The following STK38L variants were observed in gnomAD, a reference collection of about 807,000 sequenced individuals.
STK38L encodes serine/threonine-protein kinase 38-like.
In STK38L, 28 loss-of-function variants were observed where a neutral mutation model predicts 59.7. The observed-to-expected ratio is 0.47, with a 90% CI of 0.35 to 0.64. The LOEUF is 0.64. Ranked by LOEUF, STK38L falls within the 30% of genes least tolerant of loss-of-function variation. The pLI is 0.01. For missense variants in STK38L, 314 were observed against 555.8 expected (o/e 0.56, Z 4.37); for synonymous variants, 162 against 176.8 (o/e 0.92, Z 0.66).
rs544998392 is a variant in STK38L, at chr12:27,308,993, T to A, written c.310-121T>A. On this transcript the variant is annotated intron_variant, in intron 4 of 13. Transcript: ENST00000389032. This position sits in a 1 kb window ranked among gnomAD's most constrained non-coding sequence, Gnocchi z 4.5. ...ATAGATATAAAAATATATAGATATA[T>A]ATATATAAAATTCCTGAAATACCAA... The A allele has an allele frequency of 1.1e-5, 2 of 188,314 alleles. No homozygotes were observed. Among genetic ancestry groups the A allele is most frequent in the Admixed American group, 1.2e-4 (2 of 16,024 alleles). 11.7% of individuals were successfully genotyped at this position (188,314 alleles called of 1,614,324 possible). A position where few individuals can be genotyped will look rare whatever the true frequency, so the allele number is the denominator to read the frequency against.
At chr12:27,316,037 G>T (rs939284228) in intron 9 of STK38L, among the ~76,000 whole-genome samples, 1 of 152,060 alleles carries the variant, frequency 6.6e-6, no homozygotes, top group Non-Finnish European at 1.5e-5. Flanking sequence ...TAAAATGCCT[G>T]GCACATACGG....
chr12:27,288,298 A>G (rs1943821540), intron 1 of STK38L, among the ~76,000 whole-genome samples: 1 of 152,166 alleles, frequency 6.6e-6, no homozygotes. Context: ...ATTTTAAAGC[A>G]TACATTTATT....
At chr12:27,288,809 G>A (rs527344582) in intron 1 of STK38L, among the ~76,000 whole-genome samples, 10 of 151,404 alleles carry the variant, frequency 6.6e-5, no homozygotes, top group Non-Finnish European at 1.3e-4. Flanking sequence ...TACTCACTCT[G>A]GTCTCCCCTC....
intron 1 of STK38L, among the ~76,000 whole-genome samples, chr12:27,277,045 C>T (rs1454325089): frequency 6.6e-6 from 1 of 152,140 alleles, no homozygotes; most frequent in Non-Finnish European, 1.5e-5. Context: ...GAAGTATTTA[C>T]TTCACTTCTA....
At chr12:27,288,496 TATC>T (rs1943827071) in intron 1 of STK38L, among the ~76,000 whole-genome samples, 1 of 152,082 alleles carries the variant, frequency 6.6e-6, no homozygotes, top group African/African-American at 2.4e-5. Context: ...GTGCACTAGC[TATC>T]ATCTCACTCA....
At chr12:27,297,942 T>C in intron 2 of STK38L, 88 bp downstream of exon 2, 2 of 1,473,400 alleles carry the variant, frequency 1.4e-6, no homozygotes, top group Non-Finnish European at 1.9e-6. Context: ...ATGAATGATA[T>C]GAATATTATG....
chr12:27,320,494 A>G (rs1012995881), intron 12 of STK38L, among the ~76,000 whole-genome samples: 6 of 134,454 alleles, frequency 4.5e-5, no homozygotes, highest in Admixed American at 8.2e-5. Flanking sequence ...ATGTTGCCCA[A>G]TTGCCCAGGC....
At chr12:27,290,613 T>C (rs1943875869) in intron 1 of STK38L, among the ~76,000 whole-genome samples, 1 of 152,236 alleles carries the variant, frequency 6.6e-6, no homozygotes, top group African/African-American at 2.4e-5. Flanking sequence ...TCTGCTACTA[T>C]CTTAATTAGT....
chr12:27,316,370 T>A (rs1944584319), intron 9 of STK38L, among the ~76,000 whole-genome samples: 1 of 152,232 alleles, frequency 6.6e-6, no homozygotes, highest in Non-Finnish European at 1.5e-5. Context: ...AACTGAATAC[T>A]GCTCAAAATT....
In STK38L at chr12:27,312,523, T is replaced by C. The variant is rs1464794915; in HGVS notation, c.394-26T>C. 3.1e-6 allele frequency: 5 copies of C among 1,609,302 alleles called. No homozygotes were observed. The South Asian group carries it at 4.4e-5, about 14-fold the overall frequency. On this transcript the variant is annotated intron_variant, in intron 5 of 13. Transcript: ENST00000389032. ...CAAATGTGTGATGTATTTACAATTA[T>C]TTTTTTCAAAAATATATTCATCTAG...
chr12:27,252,079 A>G (rs1369732759), intron 1 of STK38L, among the ~76,000 whole-genome samples: 3 of 152,080 alleles, frequency 2.0e-5, no homozygotes, highest in Non-Finnish European at 4.4e-5. Context: ...TCCCGGGTTC[A>G]CGCCATTCTC....
chr12:27,320,306 G>A (rs536222248), intron 12 of STK38L, among the ~76,000 whole-genome samples: 35 of 152,030 alleles, frequency 2.3e-4, no homozygotes, highest in African/African-American at 8.0e-4. Context: ...TCACTCTGTC[G>A]CCCAGGCTGG....
At chr12:27,261,775 G>T (rs1319530911) in intron 1 of STK38L, among the ~76,000 whole-genome samples, 1 of 152,206 alleles carries the variant, frequency 6.6e-6, no homozygotes, top group African/African-American at 2.4e-5. Flanking sequence ...AAAATGGGGA[G>T]TGGAGAGCAG....
chr12:27,249,668 C>T (rs901891439), intron 1 of STK38L, among the ~76,000 whole-genome samples: 1 of 152,206 alleles, frequency 6.6e-6, no homozygotes, highest in African/African-American at 2.4e-5. Context: ...TTAACAAGCT[C>T]TTTACCTTCC....
chr12:27,264,770 C>T (rs1943268965), intron 1 of STK38L, among the ~76,000 whole-genome samples: 1 of 152,060 alleles, frequency 6.6e-6, no homozygotes, highest in Non-Finnish European at 1.5e-5. Flanking sequence ...CTTGAGCATC[C>T]ATGGATTTTG....
intron 1 of STK38L, among the ~76,000 whole-genome samples, chr12:27,251,347 T>A (rs997964879): frequency 6.6e-6 from 1 of 152,222 alleles, no homozygotes; most frequent in Admixed American, 6.5e-5. Flanking sequence ...TTATGAAGCG[T>A]TTTTACACAT....
intron 1 of STK38L, among the ~76,000 whole-genome samples, chr12:27,262,104 A>G (rs1160290573): frequency 7.2e-5 from 11 of 152,188 alleles, no homozygotes; most frequent in Non-Finnish European, 1.2e-4. Flanking sequence ...ATGCTGTGGT[A>G]TGAATCAGAC....
At chr12:27,303,986 G>T (rs1156414769) in intron 3 of STK38L, among the ~76,000 whole-genome samples, 1 of 152,180 alleles carries the variant, frequency 6.6e-6, no homozygotes, top group African/African-American at 2.4e-5. Flanking sequence ...AACATGCTGA[G>T]TGCAGTGGCA....
At chr12:27,313,288 T>C (rs1944503747) in intron 6 of STK38L, among the ~76,000 whole-genome samples, 1 of 150,950 alleles carries the variant, frequency 6.6e-6, no homozygotes, top group African/African-American at 2.4e-5. Context: ...GTGTAATTTA[T>C]AAAGGAAAGA....
Sources: allele counts gnomAD v4.1 joint callset (sites outside exome capture counted in the v4.1 genomes callset), GRCh38; gene constraint gnomAD v4.1.1; non-coding constraint Gnocchi (gnomAD v3.1); transcripts MANE v1.5; gene names NCBI Gene and HGNC (gene_info 2026-07-23, HGNC 2026-07-21).